DYRK1A: variants seen among roughly 807,000 people sequenced by gnomAD.
DYRK1A encodes dual specificity tyrosine phosphorylation regulated kinase 1A.
DYRK1A carries 9 observed loss-of-function variants against 79.7 expected under a neutral mutation model. The observed-to-expected ratio is 0.11, with a 90% CI of 0.07 to 0.20. DYRK1A has a LOEUF of 0.20. DYRK1A is among the 10% of genes least tolerant of loss of function. The pLI is 1.00. For missense variants in DYRK1A, 622 were observed against 956.0 expected, an observed-to-expected ratio of 0.65 and a Z score of 4.61; for synonymous variants, 349 against 329.7, an observed-to-expected ratio of 1.06 and a Z score of -0.63.
chr21:37,416,599 ACTT>A (rs1224693015), intron 1 of DYRK1A, among the ~76,000 whole-genome samples: 1 of 152,006 alleles, frequency 6.6e-6, no homozygotes, highest in African/African-American at 2.4e-5. Flanking sequence ...TTCTTCTGTC[ACTT>A]CTTTAATTCG....
intron 2 of DYRK1A, among the ~76,000 whole-genome samples, chr21:37,463,173 A>ATGTGTG (rs539137261): frequency 2.3e-5 from 3 of 131,274 alleles, no homozygotes; most frequent in Non-Finnish European, 5.0e-5. Flanking sequence ...TTGTGTGTGC[A>ATGTGTG]TGTGTGTGTG....
At chr21:37,419,913 A>G (rs1412102848) in intron 1 of DYRK1A, 1 of 152,574 alleles carries the variant, frequency 6.6e-6, no homozygotes, top group Non-Finnish European at 1.5e-5. Context: ...CTTAATAGTA[A>G]ACTACTATGA....
rs1482708895 is a variant in DYRK1A at position 37,513,365 on chromosome 21, C to T, written c.*834C>T. ...GGTGGTCTTTGGGATAACCTTTGGC[C>T]TTATGGATTTGGACTCGAAATTAGA... On this transcript the variant is annotated 3_prime_UTR_variant, in exon 12 of 12. Coordinates refer to ENST00000647188, the MANE Select transcript of DYRK1A (RefSeq NM_001347721.2). 1.3e-5 allele frequency: 2 copies of T among 152,612 alleles called. No homozygotes were observed. Among genetic ancestry groups the T allele is most frequent in the African/African-American group, 4.8e-5 (2 of 41,432 alleles). The allele number at this position is 152,612 out of a possible 1,614,324, so 9.5% of individuals were successfully genotyped here.
chr21:37,401,032 T>C (rs2050043000), intron 1 of DYRK1A, among the ~76,000 whole-genome samples: 1 of 151,968 alleles, frequency 6.6e-6, no homozygotes, highest in South Asian at 2.1e-4. Flanking sequence ...TAGTCCCAGC[T>C]ACTTGGGAGG....
rs766454866 is a variant in DYRK1A, at chr21:37,512,318, A to C, written c.2052A>C (p.Gly684=). The C allele has an allele frequency of 1.2e-6, 2 of 1,614,210 alleles. No individual in the cohort carries two copies. Among genetic ancestry groups the C allele is most frequent in the South Asian group, 2.2e-5 (2 of 91,088 alleles). The change falls in exon 12 of 12, where the codon GGA becomes GGC. Residue 684 remains glycine, a synonymous_variant. Coordinates refer to ENST00000647188, the MANE Select transcript of DYRK1A (RefSeq NM_001347721.2). Reference sequence around the variant, plus strand: ...TGGCTGCTAATACCTTGGACTTTGGACAGAATGGAGCTATGGACGTTAATT... The same window carrying C: ...TGGCTGCTAATACCTTGGACTTTGGCCAGAATGGAGCTATGGACGTTAATT... ...RPVAANTLDF[G]QNGAMDVNLT...
chr21:37,377,669 A>G (rs899659849), intron 1 of DYRK1A, among the ~76,000 whole-genome samples: 6 of 152,012 alleles, frequency 3.9e-5, no homozygotes, highest in Admixed American at 2.6e-4. Context: ...TAGTCTTGCT[A>G]TGTTGCCTAG....
chr21:37,468,021 T>C (rs1466817720), intron 2 of DYRK1A, among the ~76,000 whole-genome samples: 1 of 152,196 alleles, frequency 6.6e-6, no homozygotes, highest in Non-Finnish European at 1.5e-5. Context: ...TAGAGATCAA[T>C]GCAATTTCAA....
At chr21:37,446,525 A>G (rs905502322) in intron 2 of DYRK1A, among the ~76,000 whole-genome samples, 1 of 152,210 alleles carries the variant, frequency 6.6e-6, no homozygotes, top group Non-Finnish European at 1.5e-5. Flanking sequence ...TCCAGCTATT[A>G]AAATATTCCT....
At chr21:37,416,475 T>A (rs1249615838) in intron 1 of DYRK1A, among the ~76,000 whole-genome samples, 2 of 152,010 alleles carry the variant, frequency 1.3e-5, no homozygotes, top group African/African-American at 2.4e-5. Context: ...ATAAGAGATT[T>A]TTTTTCTTGT....
chr21:37,433,559 GC>G (rs1168981946), intron 2 of DYRK1A, among the ~76,000 whole-genome samples: 1 of 152,166 alleles, frequency 6.6e-6, no homozygotes, highest in Non-Finnish European at 1.5e-5. Context: ...ATTAAAGGAG[GC>G]TAATGCAGGT....
At position 37,472,941 on chromosome 21, in the gene DYRK1A, G is replaced by A. The variant is rs1298509917; in HGVS notation, c.207+61G>A. ...TGGCAGTTTATTCCTTAAAAATGTT[G>A]GAATACTAAGTAGGCAAAATGCTTT... is the stretch of plus-strand genomic sequence containing the variant. On this transcript the variant is annotated intron_variant, in intron 3 of 11. Coordinates refer to ENST00000647188, the MANE Select transcript of DYRK1A (RefSeq NM_001347721.2). 4 of 1,297,196 alleles carry A rather than the reference G, an allele frequency of 3.1e-6. No homozygotes were observed. The East Asian group carries it at 8.0e-5, about 26-fold the overall frequency. The allele number at this position is 1,297,196 out of a possible 1,614,324, so 80.4% of individuals were successfully genotyped here. A position where few individuals can be genotyped will look rare whatever the true frequency, so the allele number is the denominator to read the frequency against.
At chr21:37,492,379 A>G (rs974512771) in intron 7 of DYRK1A, among the ~76,000 whole-genome samples, 3 of 152,218 alleles carry the variant, frequency 2.0e-5, no homozygotes, top group Non-Finnish European at 4.4e-5. Context: ...ACATCCTAAC[A>G]TTACTTCATT....
Position 37,493,008 on chromosome 21 carries a change from A to G in DYRK1A, c.925-9A>G, listed in dbSNP as rs375904128. On this transcript the variant is annotated splice_polypyrimidine_tract_variant and intron_variant, in intron 7 of 11. Transcript: ENST00000647188. ...AATTGAAGTAATACTATTTTGAAAT[A>G]TATTTCAGATATACCAGTATATTCA... 7 of 1,581,046 alleles carry G rather than the reference A, an allele frequency of 4.4e-6. No homozygotes were observed. Among genetic ancestry groups the G allele is most frequent in the Middle Eastern group, 1.7e-4 (1 of 5,952 alleles).
chr21:37,505,237 G>A (rs372154693), intron 9 of DYRK1A, 46 bp from the exon 10 acceptor site: 123 of 1,454,832 alleles, frequency 8.5e-5, no homozygotes, highest in East Asian at 2.5e-4. Flanking sequence ...GAGTGTTTAC[G>A]TATTCCACCA....
chr21:37,403,398 C>G (rs2050087670), intron 1 of DYRK1A, among the ~76,000 whole-genome samples: 1 of 151,740 alleles, frequency 6.6e-6, no homozygotes, highest in Non-Finnish European at 1.5e-5. Flanking sequence ...TCCTTTTTCC[C>G]CCTTATTGGA....
intron 1 of DYRK1A, among the ~76,000 whole-genome samples, chr21:37,409,447 TAGC>T (rs1203682071): frequency 1.3e-5 from 2 of 152,134 alleles, no homozygotes; most frequent in Non-Finnish European, 2.9e-5. Flanking sequence ...TGGTGATAGT[TAGC>T]AGGATATTAA....
intron 2 of DYRK1A, among the ~76,000 whole-genome samples, chr21:37,450,652 T>A (rs2051416994): frequency 6.6e-6 from 1 of 152,124 alleles, no homozygotes; most frequent in African/African-American, 2.4e-5. Flanking sequence ...TGGGCAGGGG[T>A]TTAGGAGCTC....
At chr21:37,510,107 T>C (rs73904001) in intron 11 of DYRK1A, among the ~76,000 whole-genome samples, 9,935 of 152,254 alleles carry the variant, frequency 0.065, 1,069 homozygotes, top group African/African-American at 0.22. Context: ...GTATCTCTTG[T>C]GGATAAGGAG....
At chr21:37,507,504 C>A (rs1430386644) in intron 11 of DYRK1A, among the ~76,000 whole-genome samples, 1 of 152,122 alleles carries the variant, frequency 6.6e-6, no homozygotes. Context: ...TGCCCTCCAA[C>A]TCTCCTGCCG....
Sources: gnomAD v4.1 joint callset for allele counts (sites outside exome capture counted in the v4.1 genomes callset) on GRCh38, gnomAD v4.1.1 for gene constraint, MANE v1.5 for transcripts, NCBI Gene and HGNC (gene_info 2026-07-23, HGNC 2026-07-21) for gene names.